The following ZEB1 variants were observed in gnomAD, a reference collection of about 807,000 sequenced individuals.
ZEB1 encodes the protein zinc finger E-box binding homeobox 1.
ZEB1 carries 21 observed loss-of-function variants against 84.9 expected under a neutral mutation model. The observed-to-expected ratio is 0.25, with a 90% CI of 0.18 to 0.36. ZEB1 has a LOEUF of 0.36. Ranked by LOEUF, ZEB1 falls within the 10% of genes least tolerant of loss-of-function variation. ZEB1 has a pLI of 1.00. For missense variants in ZEB1, 1,104 were observed against 1,330.2 expected (o/e 0.83, Z 2.65); for synonymous variants, 420 against 471.1 (o/e 0.89, Z 1.41).
At chr10:31,354,446 G>A (rs1385632326) in intron 1 of ZEB1, among the ~76,000 whole-genome samples, 3 of 151,928 alleles carry the variant, frequency 2.0e-5, no homozygotes, top group Non-Finnish European at 4.4e-5. Context: ...TCTCTTTTTG[G>A]AAAAATAAAA....
intron 1 of ZEB1, among the ~76,000 whole-genome samples, chr10:31,409,056 AC>A (rs1192148537): frequency 6.6e-6 from 1 of 152,220 alleles, no homozygotes; most frequent in Non-Finnish European, 1.5e-5. Context: ...CAAGAAAAAA[AC>A]ATACAACCCC....
Position 31,407,605 on chromosome 10 carries a change from A to G in ZEB1, c.59-53432A>G, listed in dbSNP as rs375413291. On this transcript the variant is annotated intron_variant, in intron 1 of 8. Transcript: ENST00000424869. The stretch of plus-strand genomic sequence containing the variant: ...GCATGATTTATAGTCCTTTGGGTAT[A>G]TACACAGTAATGGGATGGCTGGGTC... Among the ~76,000 whole-genome samples the G allele has an allele frequency of 3.3e-5, 5 of 152,328 alleles. No individual in the cohort carries two copies. In the East Asian group the frequency reaches 7.7e-4, roughly 24 times the overall value.
chr10:31,441,257 T>C (rs1007835119), intron 1 of ZEB1, among the ~76,000 whole-genome samples: 3 of 151,894 alleles, frequency 2.0e-5, no homozygotes, highest in Non-Finnish European at 4.4e-5. Context: ...ATGCCACACA[T>C]CTACAACCAT....
intron 1 of ZEB1, among the ~76,000 whole-genome samples, chr10:31,444,859 CT>C (rs2059552031): frequency 6.6e-6 from 1 of 151,806 alleles, no homozygotes; most frequent in African/African-American, 2.4e-5. Context: ...ATGCCTCCAG[CT>C]TTGTTCTTTT....
intron 1 of ZEB1, among the ~76,000 whole-genome samples, chr10:31,322,716 C>T (rs576937746): frequency 6.7e-6 from 1 of 149,724 alleles, no homozygotes; most frequent in South Asian, 2.1e-4. Flanking sequence ...TTTTCTTTTT[C>T]TGCTTTCTTC....
rs1429853827 is a variant in ZEB1, at chr10:31,461,023, T to G, written c.59-14T>G. 6.2e-7 allele frequency: 1 copy of G among 1,603,534 alleles called. No homozygotes were observed. Among genetic ancestry groups the G allele is most frequent in the South Asian group, 1.1e-5 (1 of 90,548 alleles). On this transcript the variant is annotated splice_polypyrimidine_tract_variant and intron_variant, in intron 1 of 8. Coordinates refer to ENST00000424869, the MANE Select transcript of ZEB1 (RefSeq NM_001174096.2). ...TAGTTGGTTTTGATTATTTGTTTCT[T>G]GTTTGTATTACAGTTACAAATTATA... is the stretch of plus-strand genomic sequence containing the variant.
intron 1 of ZEB1, among the ~76,000 whole-genome samples, chr10:31,342,686 G>A (rs1055160086): frequency 7.0e-4 from 107 of 152,248 alleles, no homozygotes; most frequent in African/African-American, 2.4e-3. Flanking sequence ...GAATAGATAA[G>A]CTTTCTTATT....
At chr10:31,433,528 T>G (rs1322388420) in intron 1 of ZEB1, among the ~76,000 whole-genome samples, 1 of 152,218 alleles carries the variant, frequency 6.6e-6, no homozygotes, top group African/African-American at 2.4e-5. Flanking sequence ...GTTAAATAGA[T>G]GTACCATGAA....
intron 1 of ZEB1, among the ~76,000 whole-genome samples, chr10:31,448,541 GT>G (rs2060095716): frequency 6.6e-6 from 1 of 150,834 alleles, no homozygotes; most frequent in Non-Finnish European, 1.5e-5. Context: ...CATCTTTGTG[GT>G]TTTATCTACT....
rs373879318 is a variant in ZEB1, at chr10:31,521,179, C to G, written c.1847C>G (p.Ala616Gly). Residue 616 changes from alanine (A) to glycine (G), a missense_variant, in exon 7 of 9, where the codon GCT (alanine) becomes GGT (glycine). Around this residue, in one of 7 missense-constraint regions of ZEB1, gnomAD observed 531 missense variants for 575.2 expected, o/e 0.92. Coordinates refer to ENST00000424869, the MANE Select transcript of ZEB1 (RefSeq NM_001174096.2). ...AGTGCAGAAGAGCTCTCAAAAATTG[C>G]TGATTCAGTAAACCTACCACTGGAT... ...QPSAEELSKI[A>G]DSVNLPLDVV... The G allele has an allele frequency of 3.1e-6, 5 of 1,613,948 alleles. No homozygotes were observed. The African/African-American group carries it at 6.7e-5, about 22-fold the overall frequency.
At chr10:31,440,248 C>T in intron 1 of ZEB1, among the ~76,000 whole-genome samples, 1 of 152,048 alleles carries the variant, frequency 6.6e-6, no homozygotes, top group Non-Finnish European at 1.5e-5. Context: ...TTGTATTTGG[C>T]TATGGTAAAA....
chr10:31,516,083 A>G (rs568082176), intron 6 of ZEB1, among the ~76,000 whole-genome samples: 2 of 152,242 alleles, frequency 1.3e-5, no homozygotes, highest in African/African-American at 4.8e-5. Flanking sequence ...ATAAATCAGA[A>G]CAAGGATTGA....
At chr10:31,351,351 TA>T (rs2041289556) in intron 1 of ZEB1, among the ~76,000 whole-genome samples, 1 of 152,218 alleles carries the variant, frequency 6.6e-6, no homozygotes, top group Non-Finnish European at 1.5e-5. Flanking sequence ...GTAAATCATT[TA>T]TTTTTTCTAG....
intron 1 of ZEB1, among the ~76,000 whole-genome samples, chr10:31,359,009 A>G (rs1467481673): frequency 6.6e-6 from 1 of 150,846 alleles, no homozygotes; most frequent in Non-Finnish European, 1.5e-5. Flanking sequence ...TTTGTGTAGA[A>G]CTGGTCTTCT....
At chr10:31,430,873 T>C (rs1195388078) in intron 1 of ZEB1, among the ~76,000 whole-genome samples, 1 of 151,916 alleles carries the variant, frequency 6.6e-6, no homozygotes, top group Non-Finnish European at 1.5e-5. Context: ...TTTACAAAAA[T>C]TACTTCATTT....
intron 1 of ZEB1, among the ~76,000 whole-genome samples, chr10:31,428,710 A>G (rs1211275315): frequency 6.6e-6 from 1 of 152,152 alleles, no homozygotes; most frequent in Non-Finnish European, 1.5e-5. Flanking sequence ...AAGGTCTCTT[A>G]AGAAGTTACT....
intron 1 of ZEB1, among the ~76,000 whole-genome samples, chr10:31,336,462 A>G (rs1429866638): frequency 6.6e-6 from 1 of 152,194 alleles, no homozygotes; most frequent in African/African-American, 2.4e-5. Context: ...AACACTTTAT[A>G]AAGATGATAG....
intron 4 of ZEB1, among the ~76,000 whole-genome samples, chr10:31,505,926 T>C (rs1241691034): frequency 6.6e-6 from 1 of 151,998 alleles, no homozygotes; most frequent in Non-Finnish European, 1.5e-5. Context: ...ATTTCATAGG[T>C]TTTGATATGT....
intron 1 of ZEB1, among the ~76,000 whole-genome samples, chr10:31,438,889 C>T (rs2058579001): frequency 6.6e-6 from 1 of 152,136 alleles, no homozygotes; most frequent in Admixed American, 6.6e-5. Flanking sequence ...TACATACGTA[C>T]ATACATGCAT....
Sources: allele counts gnomAD v4.1 joint callset (sites outside exome capture counted in the v4.1 genomes callset), GRCh38; gene constraint gnomAD v4.1.1; regional missense constraint gnomAD v4.1.1; transcripts MANE v1.5; gene names NCBI Gene and HGNC (gene_info 2026-07-23, HGNC 2026-07-21).